PMS1: variants seen among roughly 807,000 people sequenced by gnomAD.
PMS1 encodes the protein PMS1 homolog 1, mismatch repair system component.
Under a neutral mutation model 93.1 loss-of-function variants are expected in PMS1, and 79 were observed. That is an observed-to-expected ratio of 0.85 (90% CI 0.71 to 1.02). The LOEUF (loss-of-function observed/expected upper bound fraction) is 1.02. Ranked by LOEUF, PMS1 falls within the 50% of genes least tolerant of loss-of-function variation. PMS1 has a pLI of 0.00. For missense variants in PMS1, 1,064 were observed against 1,085.3 expected, an observed-to-expected ratio of 0.98 and a Z score of 0.28; for synonymous variants, 335 against 363.4, an observed-to-expected ratio of 0.92 and a Z score of 0.89.
At chr2:189,823,569 T>C (rs564159083) in intron 5 of PMS1, among the ~76,000 whole-genome samples, 43 of 152,330 alleles carry the variant, frequency 2.8e-4, no homozygotes, top group African/African-American at 9.6e-4. Flanking sequence ...TTTCCAAAAG[T>C]TTGGCTTCAT....
At chr2:189,853,315 C>G (rs1016723752) in intron 7 of PMS1, among the ~76,000 whole-genome samples, 1 of 151,960 alleles carries the variant, frequency 6.6e-6, no homozygotes, top group African/African-American at 2.4e-5. Flanking sequence ...CTCGGCCTCC[C>G]AAAGTGCTGT....
chr2:189,801,294 C>T (rs2049867755), intron 3 of PMS1, among the ~76,000 whole-genome samples: 1 of 152,168 alleles, frequency 6.6e-6, no homozygotes, highest in South Asian at 2.1e-4. Context: ...TAACAGCAAG[C>T]ATAACTTCTT....
At chr2:189,843,872 A>T (rs2054018205) in intron 5 of PMS1, 92 bp from the exon 6 acceptor site, 1 of 1,119,060 alleles carries the variant, frequency 8.9e-7, no homozygotes, top group African/African-American at 1.5e-5. Flanking sequence ...TAAGCTGAGG[A>T]TGAATGCAAA....
In PMS1 at chr2:189,844,212, ACAGT is replaced by A. The variant is rs2054052232; in HGVS notation, c.699+135_699+138del. 3 of 1,416,484 alleles carry A rather than the reference ACAGT, an allele frequency of 2.1e-6. 1 individual carries two copies. In the South Asian group the frequency reaches 3.9e-5, roughly 19 times the overall value. The allele number at this position is 1,416,484 out of a possible 1,614,324, so 87.7% of individuals were successfully genotyped here. A position where few individuals can be genotyped will look rare whatever the true frequency, so the allele number is the denominator to read the frequency against. On this transcript the variant is annotated intron_variant, in intron 6 of 12. Transcript: ENST00000441310. Reference sequence around the variant, plus strand: ...TAATCAAATATGTGTGTAAGGTAAAACAGTCAATACAGAGCTTATGTTAAACCTC... The same window carrying A: ...TAATCAAATATGTGTGTAAGGTAAAACAATACAGAGCTTATGTTAAACCTC...
chr2:189,802,560 T>A (rs1424072388), intron 3 of PMS1, among the ~76,000 whole-genome samples: 1 of 152,154 alleles, frequency 6.6e-6, no homozygotes, highest in Non-Finnish European at 1.5e-5. Context: ...CAACTGTACA[T>A]AATTTTGTGA....
At chr2:189,791,753 C>G (rs2048888072) in intron 1 of PMS1, 37 bp from the exon 2 acceptor site, 2 of 1,531,470 alleles carry the variant, frequency 1.3e-6, no homozygotes, top group Non-Finnish European at 1.8e-6. Context: ...GTCAGGAATG[C>G]TTAACAATTC....
rs867070929 is a variant in PMS1 at position 189,784,531 on chromosome 2, G to C, written c.-83G>C. 1 of 153,040 alleles carries C rather than the reference G, an allele frequency of 6.5e-6. No homozygotes were observed. The highest frequency in any genetic ancestry group is 1.5e-5 in the Non-Finnish European group (1 of 68,638). 9.5% of individuals were successfully genotyped at this position (153,040 alleles called of 1,614,324 possible). On this transcript the variant is annotated 5_prime_UTR_variant, in exon 1 of 13. Transcript: ENST00000441310. ...GGGTGCGGGGTTGGGCCTGCGCATC[G>C]GGTGAGACGCTGGCTGCTTGCGGCT... is the stretch of plus-strand genomic sequence containing the variant.
At chr2:189,815,096 CAA>C (rs529543530) in intron 4 of PMS1, among the ~76,000 whole-genome samples, 21 of 61,540 alleles carry the variant, frequency 3.4e-4, no homozygotes, top group Admixed American at 9.2e-4. Context: ...GACTCCATCT[CAA>C]AAAAAAAAAA....
At chr2:189,863,322 C>T (rs1457142731) in intron 9 of PMS1, among the ~76,000 whole-genome samples, 10 of 149,992 alleles carry the variant, frequency 6.7e-5, no homozygotes, top group Non-Finnish European at 8.9e-5. Flanking sequence ...GGCACGATCT[C>T]GGCTCATTGC....
chr2:189,796,175 ATGG>A (rs1376091083), intron 3 of PMS1, among the ~76,000 whole-genome samples: 1 of 152,150 alleles, frequency 6.6e-6, no homozygotes, highest in African/African-American at 2.4e-5. Context: ...CCTGGCCAAC[ATGG>A]TGAAACCCCG....
At chr2:189,868,778 T>C (rs2106533451) in intron 11 of PMS1, among the ~76,000 whole-genome samples, 1 of 152,250 alleles carries the variant, frequency 6.6e-6, no homozygotes, top group Admixed American at 6.5e-5. Context: ...AGAAAATACT[T>C]TGGTGTCCCA....
intron 12 of PMS1, among the ~76,000 whole-genome samples, chr2:189,875,912 G>GTATACA (rs1047085509): frequency 7.6e-6 from 1 of 130,940 alleles, no homozygotes; most frequent in African/African-American, 3.1e-5. Flanking sequence ...AGCTGAGGAC[G>GTATACA]CACACTGCAC....
In PMS1 at chr2:189,864,242, A is replaced by G. The variant is rs771208537; in HGVS notation, c.2342+14A>G. On this transcript the variant is annotated intron_variant, in intron 10 of 12. Transcript: ENST00000441310. ...GTTAACAGAGAGGTATGATGATACA[A>G]TACTTTTTAAGAGTAAAAATATTTA... 55 of 1,549,030 alleles carry G rather than the reference A, an allele frequency of 3.6e-5. No homozygotes were observed. The highest frequency in any genetic ancestry group is 1.7e-4 in the Middle Eastern group (1 of 5,920).
chr2:189,854,584 G>C lies in PMS1; in HGVS notation c.1312G>C (p.Asp438His), dbSNP rs776947297. ...IDKNTKNAFQ[D>H]ISMSNVSWEN... is the part of the protein sequence containing the mutation. ...TAAAAACACTAAGAATGCATTTCAG[G>C]ACATTTCAATGAGTAATGTATCATG... Residue 438 changes from aspartate to histidine, a missense_variant, in exon 9 of 13, where the codon GAC (aspartate) becomes CAC (histidine). By Grantham distance (81) the Asp-to-His change is moderately conservative (BLOSUM62 -1). Coordinates refer to ENST00000441310, the MANE Select transcript of PMS1 (RefSeq NM_000534.5). 4 of 1,613,382 alleles carry C rather than the reference G, an allele frequency of 2.5e-6. No individual in the cohort carries two copies. The highest frequency in any genetic ancestry group is 3.4e-6 in the Non-Finnish European group (4 of 1,179,438).
chr2:189,833,757 A>G (rs2053158101), intron 5 of PMS1, among the ~76,000 whole-genome samples: 1 of 152,214 alleles, frequency 6.6e-6, no homozygotes, highest in Non-Finnish European at 1.5e-5. Context: ...CTGTAGCAGC[A>G]CTATGTGGGA....
intron 1 of PMS1, among the ~76,000 whole-genome samples, chr2:189,786,139 A>T (rs1000728928): frequency 6.6e-6 from 1 of 152,094 alleles, no homozygotes; most frequent in Non-Finnish European, 1.5e-5. Flanking sequence ...AAAATAAAAA[A>T]AGACGAGCTG....
chr2:189,844,709 T>C (rs1366274612), intron 6 of PMS1, among the ~76,000 whole-genome samples: 1 of 151,692 alleles, frequency 6.6e-6, no homozygotes, highest in East Asian at 1.9e-4. Flanking sequence ...CTTAAAACTT[T>C]TTCTTGATCT....
intron 5 of PMS1, among the ~76,000 whole-genome samples, chr2:189,832,095 G>A (rs1398831162): frequency 1.3e-5 from 2 of 152,158 alleles, no homozygotes; most frequent in African/African-American, 4.8e-5. Flanking sequence ...GAACAAAATA[G>A]GTTGTATGGG....
At chr2:189,788,840 T>C (rs551922894) in intron 1 of PMS1, among the ~76,000 whole-genome samples, 110 of 152,204 alleles carry the variant, frequency 7.2e-4, no homozygotes, top group Non-Finnish European at 1.4e-3. Flanking sequence ...AAGCTACATA[T>C]GACTGATGGC....
Sources: allele counts gnomAD v4.1 joint callset (sites outside exome capture counted in the v4.1 genomes callset), GRCh38; gene constraint gnomAD v4.1.1; transcripts MANE v1.5; gene names NCBI Gene and HGNC (gene_info 2026-07-23, HGNC 2026-07-21).